KCNH1: variants seen among roughly 807,000 people sequenced by gnomAD.
The protein encoded by KCNH1 is voltage-gated delayed rectifier potassium channel KCNH1.
A neutral mutation model predicts 69.2 loss-of-function variants in KCNH1; 27 were observed. The ratio of observed to expected loss-of-function variants is 0.39; its 90% confidence interval spans 0.29 to 0.54. The LOEUF (loss-of-function observed/expected upper bound fraction) is 0.54, where lower values mean the gene tolerates loss of function less well. KCNH1 is among the 20% of genes least tolerant of loss of function. The probability of loss-of-function intolerance (pLI) is 0.68; values close to 1 mark genes in which losing one functional copy is unlikely to be tolerated. For missense variants in KCNH1, 798 were observed against 1,261.6 expected, an observed-to-expected ratio of 0.63 and a Z score of 5.57; for synonymous variants, 456 against 487.7, an observed-to-expected ratio of 0.93 and a Z score of 0.86.
intron 9 of KCNH1, among the ~76,000 whole-genome samples, chr1:210,792,003 C>G (rs1482988066): frequency 2.0e-5 from 3 of 152,206 alleles, no homozygotes; most frequent in African/African-American, 4.8e-5. Flanking sequence ...AGTGACAGGA[C>G]TGCAAGTAAG....
chr1:211,133,970 G>A lies in KCNH1; in HGVS notation c.-25C>T. On this transcript the variant is annotated 5_prime_UTR_variant, in exon 1 of 11. Transcript: ENST00000271751. This position sits in a 1 kb window ranked among gnomAD's most constrained non-coding sequence, Gnocchi z 5.4. ...TCCTCCCAGCAGCTCGGGGTCCGGC[G>A]GGCGTCCTGGCGCGGCTTCTTACGA... 6.3e-7 allele frequency: 1 copy of A among 1,599,764 alleles called. No homozygotes were observed. The highest frequency in any genetic ancestry group is 8.5e-7 in the Non-Finnish European group (1 of 1,170,716).
At chr1:210,802,417 C>T (rs1033677970) in intron 8 of KCNH1, among the ~76,000 whole-genome samples, 12 of 152,010 alleles carry the variant, frequency 7.9e-5, no homozygotes, top group African/African-American at 2.7e-4. Context: ...CTCATTCTAA[C>T]GGTCGAAAGA....
rs576241371 is a variant in KCNH1, at chr1:211,024,355, T to A, written c.559-5099A>T. On this transcript the variant is annotated intron_variant, in intron 5 of 10. Transcript: ENST00000271751. ...GCCATTTAAGTTTGTATGGAAAAAT[T>A]ATCCTAGGCAGAGGGCGTAACTGGC... Among the ~76,000 whole-genome samples, 6 of 152,284 alleles carry A rather than the reference T, an allele frequency of 3.9e-5. No homozygotes were observed. The South Asian group carries it at 1.2e-3, about 32-fold the overall frequency.
intron 10 of KCNH1, among the ~76,000 whole-genome samples, chr1:210,709,989 AT>A (rs1350022701): frequency 1.3e-5 from 2 of 152,250 alleles, no homozygotes; most frequent in Non-Finnish European, 2.9e-5. Context: ...AACAACAGGA[AT>A]ACATTCTGAT....
Position 210,725,214 on chromosome 1 carries a change from C to G in KCNH1, c.2113-41076G>C, listed in dbSNP as rs150061448. Among the ~76,000 whole-genome samples, 5 of 152,302 alleles carry G rather than the reference C, an allele frequency of 3.3e-5. No individual in the cohort carries two copies. In the East Asian group the frequency reaches 7.7e-4, roughly 24 times the overall value. ...TCCCAATGCCCATAGCCCGTAGCTG[C>G]ACTACACAGACACATTTCACTGTCA... On this transcript the variant is annotated intron_variant, in intron 10 of 10. Transcript: ENST00000271751.
intron 7 of KCNH1, among the ~76,000 whole-genome samples, chr1:210,898,875 G>A (rs924179870): frequency 4.6e-5 from 7 of 152,192 alleles, no homozygotes; most frequent in Non-Finnish European, 1.0e-4. Context: ...AACAAATAGA[G>A]AAGCTAAGCT....
intron 7 of KCNH1, among the ~76,000 whole-genome samples, chr1:210,821,472 A>C (rs1017971322): frequency 6.6e-6 from 1 of 151,912 alleles, no homozygotes; most frequent in African/African-American, 2.4e-5. Flanking sequence ...CAGAATAATA[A>C]AGTTTTTTCA....
chr1:211,053,469 C>T (rs956673257), intron 5 of KCNH1, among the ~76,000 whole-genome samples: 7 of 152,200 alleles, frequency 4.6e-5, no homozygotes, highest in African/African-American at 1.2e-4. Context: ...CCTGCTGGAG[C>T]GACAAGGAGC....
At chr1:210,725,421 C>G (rs1210133879) in intron 10 of KCNH1, among the ~76,000 whole-genome samples, 1 of 152,158 alleles carries the variant, frequency 6.6e-6, no homozygotes. Context: ...AATGTCCAGA[C>G]TCAGATCTAA....
chr1:210,908,666 C>T (rs895647919), intron 7 of KCNH1, among the ~76,000 whole-genome samples: 2 of 152,196 alleles, frequency 1.3e-5, no homozygotes, highest in Admixed American at 1.3e-4. Flanking sequence ...CCAATGGGTG[C>T]ATTCTAACTT....
chr1:211,067,734 AAGC>A (rs1690557627), intron 5 of KCNH1, among the ~76,000 whole-genome samples: 1 of 152,188 alleles, frequency 6.6e-6, no homozygotes, highest in Non-Finnish European at 1.5e-5. Context: ...GCCCTCATAT[AAGC>A]AGTAGCAGGG....
intron 7 of KCNH1, among the ~76,000 whole-genome samples, chr1:210,897,128 C>T (rs1686886332): frequency 6.6e-6 from 1 of 152,154 alleles, no homozygotes; most frequent in Non-Finnish European, 1.5e-5. Flanking sequence ...GCACTAACTC[C>T]TCGATAACTC....
chr1:210,790,193 A>T (rs146053661), intron 9 of KCNH1, among the ~76,000 whole-genome samples: 1 of 152,260 alleles, frequency 6.6e-6, no homozygotes, highest in East Asian at 1.9e-4. Context: ...CTTCCTCTAA[A>T]TCCTAAATTC....
At chr1:210,893,870 G>A (rs565152539) in intron 7 of KCNH1, among the ~76,000 whole-genome samples, 1 of 152,178 alleles carries the variant, frequency 6.6e-6, no homozygotes, top group South Asian at 2.1e-4. Context: ...GTGATGTCTA[G>A]TGTCAATTCT....
chr1:210,934,451 C>A (rs1484192143), intron 6 of KCNH1, among the ~76,000 whole-genome samples: 2 of 152,146 alleles, frequency 1.3e-5, no homozygotes, highest in African/African-American at 2.4e-5. Context: ...TCAGGAGTTC[C>A]AGACCAGCCT....
intron 7 of KCNH1, among the ~76,000 whole-genome samples, chr1:210,842,571 G>C (rs1372652995): frequency 1.3e-5 from 2 of 152,080 alleles, no homozygotes; most frequent in Non-Finnish European, 2.9e-5. Flanking sequence ...TTTAATCATG[G>C]CATAACATTT....
intron 10 of KCNH1, among the ~76,000 whole-genome samples, chr1:210,715,621 C>CATA (rs1479220824): frequency 5.3e-5 from 8 of 151,794 alleles, no homozygotes; most frequent in Non-Finnish European, 1.0e-4. Flanking sequence ...ATCATTAGGT[C>CATA]ATAATTTTCC....
At chr1:210,891,721 C>T (rs943162492) in intron 7 of KCNH1, among the ~76,000 whole-genome samples, 3 of 152,016 alleles carry the variant, frequency 2.0e-5, no homozygotes, top group Admixed American at 6.6e-5. Flanking sequence ...TGGGTATATA[C>T]CCAAAGGATT....
At chr1:210,736,524 C>A (rs1275860736) in intron 10 of KCNH1, among the ~76,000 whole-genome samples, 1 of 151,726 alleles carries the variant, frequency 6.6e-6, no homozygotes, top group Non-Finnish European at 1.5e-5. Context: ...TCCTGGGCAA[C>A]AAGAGTGAAA....
Sources: allele counts gnomAD v4.1 joint callset (sites outside exome capture counted in the v4.1 genomes callset), GRCh38; gene constraint gnomAD v4.1.1; non-coding constraint Gnocchi (gnomAD v3.1); transcripts MANE v1.5; gene names NCBI Gene and HGNC (gene_info 2026-07-23, HGNC 2026-07-21).